Variants in RGS3 observed in about 807,000 individuals in gnomAD.
RGS3 encodes regulator of G protein signaling 3.
A neutral mutation model predicts 132.6 loss-of-function variants in RGS3; 80 were observed. That is an observed-to-expected ratio of 0.60 (90% CI 0.50 to 0.73). RGS3 has a LOEUF of 0.73. Among genes scored for constraint, RGS3 ranks in the 30% least tolerant of loss-of-function variants. The probability of loss-of-function intolerance (pLI) is 0.00; values close to 1 mark genes in which losing one functional copy is unlikely to be tolerated. For missense variants in RGS3, 1,382 were observed against 1,530.8 expected, an observed-to-expected ratio of 0.90 and a Z score of 1.62; for synonymous variants, 598 against 620.6, an observed-to-expected ratio of 0.96 and a Z score of 0.54.
intron 10 of RGS3, among the ~76,000 whole-genome samples, chr9:113,500,637 C>G (rs560693408): frequency 1.3e-5 from 2 of 152,078 alleles, no homozygotes; most frequent in Admixed American, 6.5e-5. Context: ...ATGTGTATCA[C>G]CAGATCCTGA....
exon 25 of RGS3, chr9:113,597,267 A>C: frequency 4.3e-6 from 1 of 232,646 alleles, no homozygotes; most frequent in Non-Finnish European, 8.4e-6. Context: ...CTTCGCGTTG[A>C]CCAAGTTCCT....
upstream of RGS3, among the ~76,000 whole-genome samples, chr9:113,456,092 T>G (rs1829356645): frequency 6.6e-6 from 1 of 152,198 alleles, no homozygotes; most frequent in African/African-American, 2.4e-5. Context: ...TGACTATTAT[T>G]TCCTTCTTAA....
At chr9:113,462,732 C>T (rs1829505099) in intron 3 of RGS3, among the ~76,000 whole-genome samples, 1 of 152,212 alleles carries the variant, frequency 6.6e-6, no homozygotes, top group Non-Finnish European at 1.5e-5. Context: ...CCTCTGGCAT[C>T]TGGTACTCAA....
chr9:113,556,404 AT>A (rs1288669654), intron 19 of RGS3, among the ~76,000 whole-genome samples: 1 of 152,166 alleles, frequency 6.6e-6, no homozygotes, highest in Non-Finnish European at 1.5e-5. Context: ...ACAAATAATA[AT>A]AATAATAATA....
chr9:113,564,040 C>T lies in RGS3; in HGVS notation c.2038-19410C>T, dbSNP rs543838533. 8.5e-5 allele frequency among the ~76,000 whole-genome samples: 13 copies of T among 152,310 alleles called. No homozygotes were observed. In the East Asian group the frequency reaches 2.5e-3, roughly 29 times the overall value. On this transcript the variant is annotated intron_variant, in intron 19 of 24. Coordinates refer to ENST00000350696, the Ensembl canonical transcript of RGS3. The stretch of plus-strand genomic sequence containing the variant: ...GGGAGCCAGCCACAAGTTGGGCATT[C>T]CCAACTTGGGCCTCAGGGACAGCCC...
At position 113,498,010 on chromosome 9, in the gene RGS3, T is replaced by C. The variant is rs200834608; in HGVS notation, c.842-15T>C. ...GCCACCAGAAGTTTTCTGATTCTGCTCTGTCACCTTCCAGACCCGCTGCTG... is the reference window on the plus strand; with the variant it reads ...GCCACCAGAAGTTTTCTGATTCTGCCCTGTCACCTTCCAGACCCGCTGCTG... On this transcript the variant is annotated splice_polypyrimidine_tract_variant and intron_variant, in intron 9 of 24. Coordinates refer to ENST00000350696, the Ensembl canonical transcript of RGS3. 3.1e-6 allele frequency: 5 copies of C among 1,613,878 alleles called. No homozygotes were observed. In the East Asian group the frequency reaches 1.1e-4, roughly 36 times the overall value.
intron 19 of RGS3, among the ~76,000 whole-genome samples, chr9:113,574,253 G>A (rs1834413170): frequency 6.6e-6 from 1 of 152,260 alleles, no homozygotes; most frequent in South Asian, 2.1e-4. Flanking sequence ...AAATATCCAT[G>A]CTCCTGCCTC....
chr9:113,521,637 A>G (rs952953112), intron 16 of RGS3, among the ~76,000 whole-genome samples: 2 of 152,326 alleles, frequency 1.3e-5, no homozygotes, highest in Admixed American at 1.3e-4. Context: ...AGCACAATTC[A>G]TTTTATTCAT....
At chr9:113,540,425 C>T (rs554051320) in intron 19 of RGS3, among the ~76,000 whole-genome samples, 1 of 152,180 alleles carries the variant, frequency 6.6e-6, no homozygotes, top group Non-Finnish European at 1.5e-5. Context: ...ATGGAATTCT[C>T]CTAATAGGAG....
chr9:113,497,777 C>T (rs147872627), intron 9 of RGS3, among the ~76,000 whole-genome samples: 2 of 152,298 alleles, frequency 1.3e-5, no homozygotes, highest in Non-Finnish European at 2.9e-5. Context: ...CGTTTAGGTC[C>T]TGCCATGATC....
chr9:113,445,562 G>A (rs1829082795), intron 1 of RGS3, among the ~76,000 whole-genome samples: 1 of 152,160 alleles, frequency 6.6e-6, no homozygotes, highest in South Asian at 2.1e-4. Flanking sequence ...CACCTGTGTA[G>A]AAGCAATAAT....
chr9:113,591,514 C>A lies in RGS3; in HGVS notation c.3080+117C>A. 1 of 876,788 alleles carries A rather than the reference C, an allele frequency of 1.1e-6. No individual in the cohort carries two copies. Among genetic ancestry groups the A allele is most frequent in the Non-Finnish European group, 1.9e-6 (1 of 530,100 alleles). The allele number at this position is 876,788 out of a possible 1,614,324, so 54.3% of individuals were successfully genotyped here. On this transcript the variant is annotated intron_variant, in intron 21 of 24. Transcript: ENST00000350696. The surrounding 1 kb of genome is among the most constrained non-coding windows in gnomAD (Gnocchi z 4.4). ...GTTGTGCCTGGTCCCGCCCACAACC[C>A]CAGACAGACACCAAGGAAAAACTGG...
At chr9:113,493,695 G>C (rs1219186309) in intron 7 of RGS3, among the ~76,000 whole-genome samples, 1 of 152,094 alleles carries the variant, frequency 6.6e-6, no homozygotes. Flanking sequence ...GGCATAAGTG[G>C]GTGCTTGGCA....
At chr9:113,505,498 A>G (rs144510795) in exon 11 of RGS3, 1 of 1,614,178 alleles carries the variant, frequency 6.2e-7, no homozygotes, top group Non-Finnish European at 8.5e-7. Flanking sequence ...GCGACTCTCC[A>G]GTTCGAGTCC....
chr9:113,491,092 CTT>C (rs1830504054), intron 7 of RGS3, among the ~76,000 whole-genome samples: 3 of 138,174 alleles, frequency 2.2e-5, no homozygotes, highest in South Asian at 2.2e-4. Flanking sequence ...TTATACATAA[CTT>C]AATTATAATT....
rs139321964 is a variant in RGS3, at chr9:113,513,775, A to G, written c.1478-683A>G. Among the ~76,000 whole-genome samples the G allele has an allele frequency of 6.6e-3, 1,012 of 152,308 alleles. 11 individuals carry two copies. Among genetic ancestry groups the G allele is most frequent in the African/African-American group, 0.023 (942 of 41,560 alleles). ...CGCTTTCCTGTGACCTGGGGCAGCAAGTGCCACTCCTTATTCTAGACTGAC... is the reference window on the plus strand; with the variant it reads ...CGCTTTCCTGTGACCTGGGGCAGCAGGTGCCACTCCTTATTCTAGACTGAC... On this transcript the variant is annotated intron_variant, in intron 14 of 24. Transcript: ENST00000350696.
Position 113,584,315 on chromosome 9 carries a change from AG to A in RGS3, c.2906del (p.Gly969AlafsTer38). 6.2e-7 allele frequency: 1 copy of A among 1,604,294 alleles called. No individual in the cohort carries two copies. ...ACCACCTTGCACTGCTCAGACGGTG[AG>A]GGCGCCGCCTCCACCTGGGGCATGC... On this transcript the variant is annotated frameshift_variant, in exon 20 of 25. Coordinates refer to ENST00000350696, the Ensembl canonical transcript of RGS3. LOFTEE classifies it high-confidence loss of function.
intron 17 of RGS3, among the ~76,000 whole-genome samples, chr9:113,523,455 G>T (rs562652169): frequency 1.3e-5 from 2 of 152,210 alleles, no homozygotes; most frequent in South Asian, 4.1e-4. Context: ...ATTAAGCTAG[G>T]TCATAAATGC....
rs532087812 is a variant in RGS3 at position 113,536,250 on chromosome 9, C to T, written c.1915-546C>T. Among the ~76,000 whole-genome samples the T allele has an allele frequency of 1.2e-3, 180 of 152,344 alleles. 2 individuals carry two copies. The highest frequency in any genetic ancestry group is 4.2e-3 in the African/African-American group (176 of 41,580). On this transcript the variant is annotated intron_variant, in intron 18 of 24. Coordinates refer to ENST00000350696, the Ensembl canonical transcript of RGS3. ...AGTGGGGCTGCAGAGGGCCACATGA[C>T]TCTGCCCGTCAAAGACTTTCCAAAG...
Sources: allele counts gnomAD v4.1 joint callset (sites outside exome capture counted in the v4.1 genomes callset), GRCh38; gene constraint gnomAD v4.1.1; non-coding constraint Gnocchi (gnomAD v3.1); transcripts MANE v1.5; gene names NCBI Gene and HGNC (gene_info 2026-07-23, HGNC 2026-07-21).